The following KIAA0513 variants were observed in gnomAD, a reference collection of about 807,000 sequenced individuals.
The protein encoded by KIAA0513 is uncharacterized protein KIAA0513.
In KIAA0513, 39 loss-of-function variants were observed where a neutral mutation model predicts 56.5. That is an observed-to-expected ratio of 0.69 (90% CI 0.53 to 0.90). The LOEUF (loss-of-function observed/expected upper bound fraction) is 0.90. KIAA0513 is among the 40% of genes least tolerant of loss of function. The pLI, the probability that KIAA0513 is intolerant of heterozygous loss-of-function variation, is 0.00. For synonymous variants in KIAA0513, 268 were observed against 215.6 expected, an observed-to-expected ratio of 1.24 and a Z score of -2.13; for missense variants, 591 against 535.2, an observed-to-expected ratio of 1.10 and a Z score of -1.03.
At chr16:85,044,885 G>A (rs1385060228) in intron 1 of KIAA0513, among the ~76,000 whole-genome samples, 1 of 152,016 alleles carries the variant, frequency 6.6e-6, no homozygotes, top group Non-Finnish European at 1.5e-5. Context: ...TTGGGAGGCC[G>A]AGGCAGGTGG....
chr16:85,062,515 G>T (rs1168135996), intron 1 of KIAA0513, among the ~76,000 whole-genome samples: 2 of 152,226 alleles, frequency 1.3e-5, no homozygotes, highest in African/African-American at 4.8e-5. Context: ...AGATTCCCCT[G>T]TGGCCAAAAA....
At chr16:85,055,943 C>T (rs1284029256) in intron 1 of KIAA0513, among the ~76,000 whole-genome samples, 1 of 152,226 alleles carries the variant, frequency 6.6e-6, no homozygotes, top group Non-Finnish European at 1.5e-5. Flanking sequence ...GCGGGGCAAT[C>T]TGTGCTTTTT....
chr16:85,039,153 C>G (rs2143858253), intron 1 of KIAA0513, among the ~76,000 whole-genome samples: 1 of 152,356 alleles, frequency 6.6e-6, no homozygotes. Context: ...AACACAAACC[C>G]TCAATTCTCC....
At chr16:85,080,043 C>G (rs981052337) in intron 8 of KIAA0513, among the ~76,000 whole-genome samples, 1 of 152,152 alleles carries the variant, frequency 6.6e-6, no homozygotes, top group South Asian at 2.1e-4. Flanking sequence ...GCATTTTGCC[C>G]GTTAACCAAG....
At chr16:85,051,179 G>C (rs2073247850) in intron 1 of KIAA0513, among the ~76,000 whole-genome samples, 1 of 152,096 alleles carries the variant, frequency 6.6e-6, no homozygotes, top group Non-Finnish European at 1.5e-5. Context: ...AAAGGACCCA[G>C]TTGAAGCCCT....
intron 1 of KIAA0513, among the ~76,000 whole-genome samples, chr16:85,056,210 A>C (rs558604676): frequency 1.3e-5 from 2 of 152,360 alleles, no homozygotes; most frequent in Non-Finnish European, 2.9e-5. Flanking sequence ...GATCCCAGAC[A>C]TGGATCCTAA....
At chr16:85,064,144 T>G (rs1262223324) in intron 1 of KIAA0513, among the ~76,000 whole-genome samples, 1 of 151,928 alleles carries the variant, frequency 6.6e-6, no homozygotes, top group African/African-American at 2.4e-5. Context: ...TGTTTAGGAT[T>G]ACAGGCGTGC....
chr16:85,054,252 ATTACTTAGACATAGATTG>A (rs562469583), intron 1 of KIAA0513, among the ~76,000 whole-genome samples: 2 of 152,308 alleles, frequency 1.3e-5, no homozygotes, highest in Admixed American at 1.3e-4. Flanking sequence ...GTCTTTTAGA[ATTACTTAGACATAGATTG>A]TTATGTGTCA....
chr16:85,051,795 G>A (rs1036024616), intron 1 of KIAA0513, among the ~76,000 whole-genome samples: 14 of 151,604 alleles, frequency 9.2e-5, no homozygotes, highest in African/African-American at 3.4e-4. Flanking sequence ...CCAGGTTCTT[G>A]GTAGCTCTCG....
intron 1 of KIAA0513, among the ~76,000 whole-genome samples, chr16:85,044,270 C>T (rs1373684741): frequency 6.6e-6 from 1 of 152,086 alleles, no homozygotes; most frequent in African/African-American, 2.4e-5. Context: ...CCAGTGGTGC[C>T]CGCTGTGTGT....
At chr16:85,031,457 C>G (rs1285832330) in intron 1 of KIAA0513, among the ~76,000 whole-genome samples, 1 of 152,210 alleles carries the variant, frequency 6.6e-6, no homozygotes, top group Non-Finnish European at 1.5e-5. Flanking sequence ...GCACCCCAGA[C>G]TTCAGTTTTA....
At chr16:85,057,064 T>A (rs371719062) in intron 1 of KIAA0513, among the ~76,000 whole-genome samples, 3 of 152,296 alleles carry the variant, frequency 2.0e-5, no homozygotes, top group East Asian at 3.9e-4. Flanking sequence ...AGTCTGTCAG[T>A]TGTTCTTGTT....
At chr16:85,071,379 C>A (rs949008963) in intron 2 of KIAA0513, among the ~76,000 whole-genome samples, 4 of 152,202 alleles carry the variant, frequency 2.6e-5, no homozygotes, top group African/African-American at 9.7e-5. Context: ...GGGGCTGGTT[C>A]CATGCTGACT....
intron 11 of KIAA0513, 26 bp from the exon 12 acceptor site, chr16:85,087,046 T>C (rs376087161): frequency 3.1e-6 from 5 of 1,609,946 alleles, no homozygotes; most frequent in Non-Finnish European, 4.3e-6. Flanking sequence ...GGCCAGCGGG[T>C]GACGCTCTTG....
Position 85,086,815 on chromosome 16 carries a change from G to A in KIAA0513, c.1091+91G>A, listed in dbSNP as rs878878675. 58 of 1,175,580 alleles carry A rather than the reference G, an allele frequency of 4.9e-5. 1 individual carries two copies. In the South Asian group the frequency reaches 7.4e-4, roughly 15 times the overall value. 72.8% of individuals were successfully genotyped at this position (1,175,580 alleles called of 1,614,324 possible). A position where few individuals can be genotyped will look rare whatever the true frequency, so the allele number is the denominator to read the frequency against. On this transcript the variant is annotated intron_variant, in intron 11 of 12. Transcript: ENST00000683363. ...CTGGTATCACACCCTGGGGTGTGAT[G>A]TCAGCCTGCTCTGAGGCATGGGGTT... is the stretch of plus-strand genomic sequence containing the variant.
At chr16:85,077,864 C>G (rs1003853220) in intron 6 of KIAA0513, among the ~76,000 whole-genome samples, 2 of 152,176 alleles carry the variant, frequency 1.3e-5, no homozygotes, top group African/African-American at 4.8e-5. Context: ...TGATGAGGAG[C>G]CCAAGGGATT....
At chr16:85,065,687 A>G (rs2073470493) in intron 1 of KIAA0513, among the ~76,000 whole-genome samples, 1 of 152,146 alleles carries the variant, frequency 6.6e-6, no homozygotes, top group Admixed American at 6.5e-5. Context: ...ACTGGCAGGC[A>G]TTGTCCTAGA....
At chr16:85,086,754 G>A (rs763254581) in intron 11 of KIAA0513, 30 bp downstream of exon 11, 39 of 1,577,040 alleles carry the variant, frequency 2.5e-5, no homozygotes, top group Non-Finnish European at 3.2e-5. Flanking sequence ...AGCGGGAGGG[G>A]AGAGGGGGGA....
chr16:85,064,453 G>C (rs1282264012), intron 1 of KIAA0513, among the ~76,000 whole-genome samples: 1 of 152,144 alleles, frequency 6.6e-6, no homozygotes, highest in Non-Finnish European at 1.5e-5. Flanking sequence ...TTGAATTCCT[G>C]AATCAGAAGA....
Sources: allele counts gnomAD v4.1 joint callset (sites outside exome capture counted in the v4.1 genomes callset), GRCh38; gene constraint gnomAD v4.1.1; transcripts MANE v1.5; gene names NCBI Gene and HGNC (gene_info 2026-07-23, HGNC 2026-07-21).